The following BMPR2 variants were observed in gnomAD, a reference collection of about 807,000 sequenced individuals.
The protein encoded by BMPR2 is bone morphogenetic protein receptor type 2, also known as bone morphogenetic protein receptor type-2.
A neutral mutation model predicts 100.8 loss-of-function variants in BMPR2; 29 were observed. The ratio of observed to expected loss-of-function variants is 0.29; its 90% confidence interval spans 0.21 to 0.39. The LOEUF (loss-of-function observed/expected upper bound fraction) is 0.39. BMPR2 is among the 10% of genes least tolerant of loss of function. The probability of loss-of-function intolerance (pLI) is 1.00; values close to 1 mark genes in which losing one functional copy is unlikely to be tolerated. For synonymous variants in BMPR2, 382 were observed against 442.3 expected (o/e 0.86, Z 1.71); for missense variants, 1,011 against 1,274.5 (o/e 0.79, Z 3.15).
chr2:202,469,513 T>G (rs1235705106), intron 3 of BMPR2: 2 of 337,642 alleles, frequency 5.9e-6, no homozygotes, highest in Non-Finnish European at 1.2e-5. Context: ...GAATCTTGCT[T>G]TTGTCACCCT....
intron 9 of BMPR2, among the ~76,000 whole-genome samples, chr2:202,534,856 A>ACC (rs1320668880): frequency 8.1e-6 from 1 of 123,030 alleles, no homozygotes; most frequent in Admixed American, 8.0e-5. Context: ...CGGGGGGCTG[A>ACC]CCCCCCCACC....
chr2:202,425,062 A>T (rs1691359098), intron 1 of BMPR2, among the ~76,000 whole-genome samples: 1 of 151,964 alleles, frequency 6.6e-6, no homozygotes, highest in African/African-American at 2.4e-5. Context: ...GGGTTCAAGC[A>T]GTTGTCCTGT....
chr2:202,517,366 G>A lies in BMPR2; in HGVS notation c.622-1456G>A, dbSNP rs201433558. The stretch of plus-strand genomic sequence containing the variant: ...TTTTTTTTTTTTACTCTGTCATCCA[G>A]GCTGGAGTGCAAGGCATGGTCTGGG... On this transcript the variant is annotated intron_variant, in intron 5 of 12. Coordinates refer to ENST00000374580, the MANE Select transcript of BMPR2 (RefSeq NM_001204.7). 9.5e-5 allele frequency among the ~76,000 whole-genome samples: 14 copies of A among 146,964 alleles called. No homozygotes were observed. The East Asian group carries it at 2.8e-3, about 29-fold the overall frequency.
chr2:202,479,583 A>T (rs1692619120), intron 3 of BMPR2, among the ~76,000 whole-genome samples: 1 of 152,088 alleles, frequency 6.6e-6, no homozygotes, highest in Non-Finnish European at 1.5e-5. Context: ...TTCCCACCAG[A>T]GTGGCACATA....
chr2:202,492,700 C>CAAAAAAAAAAAAAAAAAAAAAACAA (rs1692928125), intron 3 of BMPR2, among the ~76,000 whole-genome samples: 1 of 52,810 alleles, frequency 1.9e-5, no homozygotes. Flanking sequence ...AGCTCTGTCT[C>CAAAAAAAAAAAAAAAAAAAAAACAA]AAAAAAAAAA....
intron 9 of BMPR2, among the ~76,000 whole-genome samples, chr2:202,541,826 A>G (rs1688281395): frequency 6.6e-6 from 1 of 152,194 alleles, no homozygotes; most frequent in Non-Finnish European, 1.5e-5. Context: ...TTAATAATGC[A>G]TTAGACTGGG....
chr2:202,542,161 G>C, intron 9 of BMPR2, 150 bp from the exon 10 acceptor site: 1 of 891,676 alleles, frequency 1.1e-6, no homozygotes, highest in Non-Finnish European at 1.7e-6. Flanking sequence ...GGTCTCTTTA[G>C]GATTTCCAAA....
At chr2:202,486,169 A>G (rs1360985879) in intron 3 of BMPR2, among the ~76,000 whole-genome samples, 6 of 152,204 alleles carry the variant, frequency 3.9e-5, no homozygotes, top group African/African-American at 1.4e-4. Context: ...CTTAAGAAAG[A>G]AAGGATATTT....
rs541610783 is a variant in BMPR2 at position 202,567,145 on chromosome 2, C to A, written c.*7199C>A. ...CCTCAGTTTTTTGCTGATAATTTTTCAAATAAAGATACATGGATAATTGTA... is the reference window on the plus strand; with the variant it reads ...CCTCAGTTTTTTGCTGATAATTTTTAAAATAAAGATACATGGATAATTGTA... On this transcript the variant is annotated 3_prime_UTR_variant, in exon 13 of 13. Transcript: ENST00000374580. The A allele has an allele frequency of 6.6e-6, 1 of 152,382 alleles. No homozygotes were observed. The highest frequency in any genetic ancestry group is 1.9e-4 in the East Asian group (1 of 5,184). The allele number at this position is 152,382 out of a possible 1,614,324, so 9.4% of individuals were successfully genotyped here.
chr2:202,403,827 G>A (rs370076528), intron 1 of BMPR2, among the ~76,000 whole-genome samples: 6 of 152,182 alleles, frequency 3.9e-5, no homozygotes, highest in African/African-American at 1.4e-4. Context: ...CCAACATAGA[G>A]ACTCCCTGTC....
chr2:202,443,979 TACAAATGTTAGTGGTACTACCG>T (rs1008822991), intron 1 of BMPR2, among the ~76,000 whole-genome samples: 6 of 150,532 alleles, frequency 4.0e-5, no homozygotes, highest in African/African-American at 1.0e-4. Flanking sequence ...AACATAGTGG[TACAAATGTTAGTGGTACTACCG>T]ACAAATGTTA....
At chr2:202,557,166 A>G (rs561532100) in intron 12 of BMPR2, among the ~76,000 whole-genome samples, 2 of 152,022 alleles carry the variant, frequency 1.3e-5, no homozygotes, top group South Asian at 4.2e-4. Flanking sequence ...CCCCGTCTCT[A>G]CTAAAAATGC....
intron 1 of BMPR2, among the ~76,000 whole-genome samples, chr2:202,378,950 C>T (rs1690214761): frequency 6.6e-6 from 1 of 152,046 alleles, no homozygotes; most frequent in Admixed American, 6.5e-5. Context: ...AATATAGATT[C>T]TCATTTATGA....
At chr2:202,488,214 A>G (rs6751210) in intron 3 of BMPR2, among the ~76,000 whole-genome samples, 76,987 of 151,974 alleles carry the variant, frequency 0.51, 20,085 homozygotes, top group African/African-American at 0.61. Flanking sequence ...GAGGGTATAA[A>G]GGTGAATATG....
At chr2:202,489,126 C>T (rs926536287) in intron 3 of BMPR2, among the ~76,000 whole-genome samples, 2 of 151,946 alleles carry the variant, frequency 1.3e-5, no homozygotes, top group East Asian at 1.9e-4. Context: ...CTCAGCCTCC[C>T]GAGTAGCTGG....
At chr2:202,410,895 TA>T (rs1472447040) in intron 1 of BMPR2, among the ~76,000 whole-genome samples, 1 of 152,088 alleles carries the variant, frequency 6.6e-6, no homozygotes. Flanking sequence ...TTTTTAAAAA[TA>T]ATAATAAAAA....
intron 3 of BMPR2, among the ~76,000 whole-genome samples, chr2:202,485,659 GC>G (rs1692763561): frequency 6.8e-6 from 1 of 147,412 alleles, no homozygotes. Context: ...GGATTCTTCT[GC>G]CTCAGCCTCC....
chr2:202,505,041 G>C (rs1269141297), intron 3 of BMPR2: 1 of 174,906 alleles, frequency 5.7e-6, no homozygotes, highest in Non-Finnish European at 1.2e-5. Flanking sequence ...ATATCTTTTG[G>C]CATGATTGTT....
At chr2:202,535,061 A>G (rs79042295) in intron 9 of BMPR2, among the ~76,000 whole-genome samples, 44,830 of 52,924 alleles carry the variant, frequency 0.85, 18,553 homozygotes, top group African/African-American at 0.9. Flanking sequence ...CCTCCCGGAC[A>G]GGTCGGCTGG....
Sources: gnomAD v4.1 joint callset for allele counts (sites outside exome capture counted in the v4.1 genomes callset) on GRCh38, gnomAD v4.1.1 for gene constraint, MANE v1.5 for transcripts, NCBI Gene and HGNC (gene_info 2026-07-23, HGNC 2026-07-21) for gene names.